Variants in PARP12 observed in about 807,000 individuals in gnomAD.
PARP12 encodes poly(ADP-ribose) polymerase family member 12, also known as protein mono-ADP-ribosyltransferase PARP12.
In PARP12, 59 loss-of-function variants were observed where a neutral mutation model predicts 72.4. The observed-to-expected ratio is 0.81, with a 90% CI of 0.66 to 1.01. The LOEUF (loss-of-function observed/expected upper bound fraction) is 1.01. Ranked by LOEUF, PARP12 falls within the 50% of genes least tolerant of loss-of-function variation. The pLI is 0.00. For missense variants in PARP12, 851 were observed against 914.0 expected, an observed-to-expected ratio of 0.93 and a Z score of 0.89; for synonymous variants, 403 against 371.4, an observed-to-expected ratio of 1.09 and a Z score of -0.98.
chr7:140,045,029 CTT>C (rs71520068), intron 5 of PARP12, among the ~76,000 whole-genome samples: 5 of 141,670 alleles, frequency 3.5e-5, no homozygotes, highest in African/African-American at 5.2e-5. Flanking sequence ...GCATCTTTTT[CTT>C]TTTTTTTTTT....
chr7:140,030,988 CTT>C (rs1815921386), intron 8 of PARP12, among the ~76,000 whole-genome samples: 1 of 151,982 alleles, frequency 6.6e-6, no homozygotes, highest in Non-Finnish European at 1.5e-5. Context: ...AATGGTGCCT[CTT>C]GAGGTTTAAA....
chr7:140,054,785 A>G, intron 3 of PARP12, 22 bp from the exon 4 acceptor site: 8 of 1,567,014 alleles, frequency 5.1e-6, no homozygotes, highest in Non-Finnish European at 7.0e-6. Context: ...CACCACAAAG[A>G]TATGTCAGCT....
At chr7:140,025,523 G>T (rs1222686412) in intron 11 of PARP12, 2 of 450,234 alleles carry the variant, frequency 4.4e-6, no homozygotes, top group South Asian at 3.2e-5. Flanking sequence ...GGTTACAGAA[G>T]ATAATGTCCT....
chr7:140,036,873 G>C (rs1267362035), intron 7 of PARP12, among the ~76,000 whole-genome samples: 1 of 152,038 alleles, frequency 6.6e-6, no homozygotes, highest in East Asian at 1.9e-4. Context: ...CTGGCCAAAG[G>C]GTGGCCTATT....
rs1391711090 is a variant in PARP12, at chr7:140,027,338, A to T, written c.1566T>A (p.Pro522=). 1.2e-6 allele frequency: 2 copies of T among 1,614,118 alleles called. 1 individual carries two copies. Among genetic ancestry groups the T allele is most frequent in the South Asian group, 2.2e-5 (2 of 91,074 alleles). The part of the protein sequence containing the change: ...KVWNLFNRTL[P]FYFVQKIERV... ...GCTCAATCTTCTGAACAAAGTAGAA[A>T]GGCAGCGTGCGGTTAAAGAGGTTCC... Residue 522 remains proline, a synonymous_variant, in exon 10 of 12, where the codon CCT becomes CCA. Transcript: ENST00000263549.
At chr7:140,037,609 A>C in intron 7 of PARP12, 106 bp downstream of exon 7, 3 of 1,504,380 alleles carry the variant, frequency 2.0e-6, no homozygotes, top group Non-Finnish European at 1.8e-6. Context: ...TCTTTCCTGT[A>C]CCCACCCAGG....
chr7:140,027,184 G>T, intron 10 of PARP12, 92 bp downstream of exon 10: 2 of 1,524,938 alleles, frequency 1.3e-6, no homozygotes, highest in Non-Finnish European at 1.8e-6. Flanking sequence ...CTGCCGCTCT[G>T]CTTTTCCTGG....
In PARP12 at chr7:140,037,821, G is replaced by A. The variant is rs775645593; in HGVS notation, c.1218C>T (p.Ser406=). 9.3e-6 allele frequency: 15 copies of A among 1,613,488 alleles called. No individual in the cohort carries two copies. Among genetic ancestry groups the A allele is most frequent in the African/African-American group, 2.7e-5 (2 of 74,952 alleles). ...AGGCCAGGTAGGCCTTCTCCACGTC[G>A]CTACTGCTGACAGTGGTCACAGGGT... The part of the protein sequence containing the change: ...TVHPVTTVSS[S]DVEKAYLAYC... Residue 406 remains serine (S), a synonymous_variant, in exon 7 of 12, where the codon AGC becomes AGT. Coordinates refer to ENST00000263549, the MANE Select transcript of PARP12 (RefSeq NM_022750.4).
intron 4 of PARP12, among the ~76,000 whole-genome samples, chr7:140,048,845 C>A (rs988352623): frequency 6.6e-6 from 1 of 152,040 alleles, no homozygotes; most frequent in African/African-American, 2.4e-5. Context: ...CCCTTGTACA[C>A]GTATACAGTC....
intron 4 of PARP12, among the ~76,000 whole-genome samples, chr7:140,051,388 A>AC (rs1569528017): frequency 6.7e-6 from 1 of 150,086 alleles, no homozygotes; most frequent in Non-Finnish European, 1.5e-5. Context: ...CCCTTTAAAG[A>AC]TTTTTTTTCT....
chr7:140,023,942 C>T lies in PARP12; in HGVS notation c.*618G>A, dbSNP rs1044703. 9,721 of 158,958 alleles carry T rather than the reference C, an allele frequency of 0.061. 378 individuals carry two copies. Among genetic ancestry groups the T allele is most frequent in the Non-Finnish European group, 0.086 (6,130 of 71,296 alleles). 9.8% of individuals were successfully genotyped at this position (158,958 alleles called of 1,614,324 possible). On this transcript the variant is annotated 3_prime_UTR_variant, in exon 12 of 12. Transcript: ENST00000263549. ...CTCCAGGTCACCTGCCAGGTGGATG[C>T]ACTTCCTTGGGCAATGGGTGACCCT...
chr7:140,056,997 G>C lies in PARP12; in HGVS notation c.619C>G (p.Leu207Val), dbSNP rs761549161. 3 of 1,614,208 alleles carry C rather than the reference G, an allele frequency of 1.9e-6. No individual in the cohort carries two copies. The highest frequency in any genetic ancestry group is 1.7e-6 in the Non-Finnish European group (2 of 1,180,030). The change falls in exon 3 of 12, where the codon CTG becomes GTG. Residue 207 changes from leucine (L) to valine (V), a missense_variant. Leu to Val is a conservative substitution (Grantham distance 32). Around this residue, in one of 3 missense-constraint regions of PARP12, gnomAD observed 492 missense variants for 489.3 expected, o/e 1.01. Transcript: ENST00000263549. Reference sequence around the variant, plus strand: ...ATACCCAACTTCTCCAATTTTTCCAGATTCTCAGAATTAGAGAAATCATGG... The same window carrying C: ...ATACCCAACTTCTCCAATTTTTCCACATTCTCAGAATTAGAGAAATCATGG... ...RSHDFSNSEN[L>V]EKLEKLGMSS...
At chr7:140,041,386 AC>A (rs1462629017) in intron 6 of PARP12, 5 of 369,642 alleles carry the variant, frequency 1.4e-5, no homozygotes, top group Non-Finnish European at 2.0e-5. Context: ...CAATGAAGAA[AC>A]TTGATCTCAC....
intron 6 of PARP12, among the ~76,000 whole-genome samples, chr7:140,040,403 G>A (rs1337724207): frequency 6.6e-6 from 1 of 152,170 alleles, no homozygotes; most frequent in Non-Finnish European, 1.5e-5. Flanking sequence ...TGGCAAGAGG[G>A]GAGCAGGGGA....
rs34111764 is a variant in PARP12, at chr7:140,046,993, C to G, written c.877G>C (p.Val293Leu). 13 of 1,612,580 alleles carry G rather than the reference C, an allele frequency of 8.1e-6. No homozygotes were observed. ...CATCGATACGGCAAATGGAAATGAA[C>G]TCTATGGCACTTATCTGAAATAAAA... Reference protein sequence around the residue: ...SCSFQDKCHRVHFHLPYRWQF... With the variant: ...SCSFQDKCHRLHFHLPYRWQF... Residue 293 changes from valine (V) to leucine (L), a missense_variant, in exon 5 of 12, where the codon GTT becomes CTT. Physicochemically the swap from Val to Leu is conservative, Grantham distance 32 (BLOSUM62 1). Transcript: ENST00000263549.
intron 5 of PARP12, among the ~76,000 whole-genome samples, chr7:140,044,883 G>A (rs1367722031): frequency 6.6e-6 from 1 of 152,170 alleles, no homozygotes; most frequent in Non-Finnish European, 1.5e-5. Context: ...GATAAACAAG[G>A]AGAAGTGTGA....
At chr7:140,060,727 C>T (rs1817409845) in intron 1 of PARP12, among the ~76,000 whole-genome samples, 1 of 138,286 alleles carries the variant, frequency 7.2e-6, no homozygotes, top group African/African-American at 2.9e-5. Context: ...CCTTCCTCCT[C>T]GTGGGCTGTT....
At position 140,028,668 on chromosome 7, in the gene PARP12, G is replaced by C. The variant is rs753258817; in HGVS notation, c.1442C>G (p.Pro481Arg). ...MQTCNTKFPGPKSIPDYWDSS... is the reference protein window; with the variant it reads ...MQTCNTKFPGRKSIPDYWDSS... ...GTCCCAATAGTCTGGGATGCTCTTC[G>C]GGCCTGGAAACTTGGTATTGCTACA... Residue 481 changes from proline to arginine, a missense_variant, in exon 9 of 12, where the codon CCG becomes CGG. Physicochemically the swap from Pro to Arg is moderately radical, Grantham distance 103 (BLOSUM62 -2). Around this residue, in one of 3 missense-constraint regions of PARP12, gnomAD observed 347 missense variants for 396.1 expected, o/e 0.88. Coordinates refer to ENST00000263549, the MANE Select transcript of PARP12 (RefSeq NM_022750.4). 1.4e-5 allele frequency: 22 copies of C among 1,604,180 alleles called. No homozygotes were observed. The highest frequency in any genetic ancestry group is 1.9e-5 in the Non-Finnish European group (22 of 1,175,086).
chr7:140,055,149 C>G lies in PARP12; in HGVS notation c.761-386G>C, dbSNP rs10240535. On this transcript the variant is annotated intron_variant, in intron 3 of 11. Coordinates refer to ENST00000263549, the MANE Select transcript of PARP12 (RefSeq NM_022750.4). Reference sequence around the variant, plus strand: ...GACACTTTTGTAATAAGGGGAGAACCATTGTCTTACATGTTGAGGCATCTT... The same window carrying G: ...GACACTTTTGTAATAAGGGGAGAACGATTGTCTTACATGTTGAGGCATCTT... Among the ~76,000 whole-genome samples the G allele has an allele frequency of 1.1e-3, 166 of 152,322 alleles. 1 individual carries two copies. The highest frequency in any genetic ancestry group is 3.7e-3 in the African/African-American group (155 of 41,566).
Sources: gnomAD v4.1 joint callset for allele counts (sites outside exome capture counted in the v4.1 genomes callset) on GRCh38, gnomAD v4.1.1 for gene constraint, gnomAD v4.1.1 regional missense constraint, MANE v1.5 for transcripts, NCBI Gene and HGNC (gene_info 2026-07-23, HGNC 2026-07-21) for gene names.